Variants in TTC7A observed in about 807,000 individuals in gnomAD.
TTC7A encodes the protein tetratricopeptide repeat protein 7A.
A neutral mutation model predicts 103.7 loss-of-function variants in TTC7A; 110 were observed. The ratio of observed to expected loss-of-function variants is 1.06; its 90% CI spans 0.91 to 1.24. The LOEUF (loss-of-function observed/expected upper bound fraction) is 1.24, where lower values mean the gene tolerates loss of function less well. TTC7A is among the 50% of genes most tolerant of loss of function. The probability of loss-of-function intolerance (pLI) is 0.00; values close to 1 mark genes in which losing one functional copy is unlikely to be tolerated. For synonymous variants in TTC7A, 521 were observed against 467.9 expected (o/e 1.11, Z -1.47); for missense variants, 1,340 against 1,116.3 (o/e 1.20, Z -2.86).
At chr2:47,021,829 C>T (rs1017319175) in intron 11 of TTC7A, 33 bp from the exon 12 acceptor site, 1 of 1,579,650 alleles carries the variant, frequency 6.3e-7, no homozygotes, top group Middle Eastern at 1.7e-4. Flanking sequence ...ACTCCAACCC[C>T]ACCTCCATGA....
chr2:47,069,922 A>G (rs905059040), intron 19 of TTC7A, among the ~76,000 whole-genome samples: 4 of 152,028 alleles, frequency 2.6e-5, no homozygotes, highest in Admixed American at 2.6e-4. Flanking sequence ...AAAGGCTGTT[A>G]CAGAATCCCA....
chr2:47,057,343 G>T (rs1424924287), intron 18 of TTC7A, among the ~76,000 whole-genome samples: 1 of 152,194 alleles, frequency 6.6e-6, no homozygotes, highest in African/African-American at 2.4e-5. Flanking sequence ...CCCATCAGTG[G>T]AGCAGCCCTA....
intron 10 of TTC7A, among the ~76,000 whole-genome samples, chr2:47,010,166 T>G (rs574311897): frequency 6.6e-6 from 1 of 152,144 alleles, no homozygotes; most frequent in Non-Finnish European, 1.5e-5. Flanking sequence ...AAAATGCACT[T>G]AGAACAGGGG....
chr2:46,958,687 A>G, intron 3 of TTC7A: 1 of 516,486 alleles, frequency 1.9e-6, no homozygotes, highest in Non-Finnish European at 3.1e-6. Context: ...TGCTGCAGTG[A>G]CCACGCCTGC....
At chr2:47,055,046 G>C (rs985668470) in intron 18 of TTC7A, among the ~76,000 whole-genome samples, 2 of 152,082 alleles carry the variant, frequency 1.3e-5, no homozygotes, top group Admixed American at 6.5e-5. Flanking sequence ...CATCTACCAA[G>C]CACCTGTTGA....
At chr2:47,070,245 T>C (rs1684557255) in intron 19 of TTC7A, among the ~76,000 whole-genome samples, 1 of 152,230 alleles carries the variant, frequency 6.6e-6, no homozygotes, top group Admixed American at 6.5e-5. Flanking sequence ...ACTGTGCCTC[T>C]GCAGATGACC....
intron 3 of TTC7A, among the ~76,000 whole-genome samples, chr2:46,968,576 C>T (rs1387489487): frequency 1.3e-5 from 2 of 152,216 alleles, no homozygotes; most frequent in South Asian, 4.1e-4. Flanking sequence ...GGTGACTGGA[C>T]TGTGACCTTG....
At chr2:46,999,443 A>G in intron 8 of TTC7A, 1 of 979,544 alleles carries the variant, frequency 1.0e-6, no homozygotes, top group Non-Finnish European at 1.2e-6. Context: ...TCATCCATTC[A>G]TCTGTCTATC....
intron 16 of TTC7A, among the ~76,000 whole-genome samples, chr2:47,048,456 G>T (rs72872982): frequency 6.6e-6 from 1 of 152,092 alleles, no homozygotes; most frequent in African/African-American, 2.4e-5. Flanking sequence ...TGCTCCCCAC[G>T]ACCACCTTGT....
intron 10 of TTC7A, among the ~76,000 whole-genome samples, 160 bp from the exon 11 acceptor site, chr2:47,011,171 T>C (rs186115524): frequency 7.4e-4 from 112 of 152,340 alleles, no homozygotes; most frequent in Non-Finnish European, 1.4e-3. Flanking sequence ...GGGATTTGCC[T>C]GCCGACACTG....
intron 2 of TTC7A, among the ~76,000 whole-genome samples, chr2:46,926,527 C>G (rs1012178290): frequency 1.3e-5 from 2 of 152,188 alleles, no homozygotes; most frequent in Non-Finnish European, 2.9e-5. Flanking sequence ...GATGAGCCTT[C>G]TCATGGACCA....
At chr2:46,993,980 G>C (rs1274019993) in intron 6 of TTC7A, among the ~76,000 whole-genome samples, 1 of 152,144 alleles carries the variant, frequency 6.6e-6, no homozygotes, top group Non-Finnish European at 1.5e-5. Context: ...TATCAGAAAG[G>C]CACCTGAGAG....
chr2:47,030,191 C>T (rs1229927760), intron 15 of TTC7A, among the ~76,000 whole-genome samples: 2 of 152,220 alleles, frequency 1.3e-5, no homozygotes, highest in Admixed American at 1.3e-4. Context: ...TAGAACCAGC[C>T]CAAGGCTGTC....
intron 2 of TTC7A, among the ~76,000 whole-genome samples, chr2:46,951,010 C>G (rs1307540846): frequency 1.3e-5 from 2 of 152,124 alleles, no homozygotes; most frequent in Non-Finnish European, 2.9e-5. Context: ...CCTTTGGGCT[C>G]CTTGGGTCAG....
chr2:46,978,733 G>A, intron 4 of TTC7A, 59 bp from the exon 5 acceptor site: 1 of 1,414,004 alleles, frequency 7.1e-7, no homozygotes, highest in Non-Finnish European at 1.0e-6. Flanking sequence ...TCCTCTTGCT[G>A]AGTGACCCTC....
rs751669620 is a variant in TTC7A, at chr2:47,073,928, G to A, written c.*5G>A. 14 of 1,606,116 alleles carry A rather than the reference G, an allele frequency of 8.7e-6. No individual in the cohort carries two copies. The highest frequency in any genetic ancestry group is 1.1e-5 in the South Asian group (1 of 90,582). ...ATCATCCCCAGAGAGCTCTGACGAC[G>A]CTGCAGCCGCAGGGAGGGAGGGGCT... On this transcript the variant is annotated 3_prime_UTR_variant, in exon 20 of 20. Transcript: ENST00000319190.
At position 47,060,472 on chromosome 2, in the gene TTC7A, A is replaced by C. The variant is rs538841184; in HGVS notation, c.2153-297A>C. Among the ~76,000 whole-genome samples, 10 of 152,302 alleles carry C rather than the reference A, an allele frequency of 6.6e-5. No individual in the cohort carries two copies. The East Asian group carries it at 1.9e-3, about 29-fold the overall frequency. ...ACAAAGGATACCCTGTCTCAAAAAA[A>C]ACAAAAACAAACAAACAAAAAATGC... On this transcript the variant is annotated intron_variant, in intron 18 of 19. Coordinates refer to ENST00000319190, the MANE Select transcript of TTC7A (RefSeq NM_020458.4).
intron 11 of TTC7A, among the ~76,000 whole-genome samples, chr2:47,018,583 CAAAA>C (rs201896192): frequency 1.3e-5 from 1 of 77,332 alleles, no homozygotes; most frequent in Non-Finnish European, 2.7e-5. Context: ...GACTCCATCT[CAAAA>C]AAAAAAAAAA....
intron 15 of TTC7A, among the ~76,000 whole-genome samples, chr2:47,034,765 G>T (rs943251730): frequency 2.4e-4 from 37 of 152,164 alleles, no homozygotes; most frequent in Non-Finnish European, 4.4e-5. Flanking sequence ...AACCTCCGTC[G>T]GTCAGGGTAG....
Sources: gnomAD v4.1 joint callset for allele counts (sites outside exome capture counted in the v4.1 genomes callset) on GRCh38, gnomAD v4.1.1 for gene constraint, MANE v1.5 for transcripts, NCBI Gene and HGNC (gene_info 2026-07-23, HGNC 2026-07-21) for gene names.